Variants in FN3K observed in about 807,000 individuals in gnomAD.
The protein encoded by FN3K is fructosamine 3 kinase.
A neutral mutation model predicts 24.8 loss-of-function variants in FN3K; 24 were observed. The observed-to-expected ratio is 0.97, with a 90% confidence interval of 0.70 to 1.36. The LOEUF is 1.36. Ranked by LOEUF, FN3K falls within the 40% of genes most tolerant of loss-of-function variation. The pLI is 0.00. For missense variants in FN3K, 449 were observed against 416.7 expected (o/e 1.08, Z -0.67); for synonymous variants, 192 against 175.2 (o/e 1.10, Z -0.76).
At chr17:82,741,617 C>T (rs2046941722) in intron 4 of FN3K, 2 of 508,848 alleles carry the variant, frequency 3.9e-6, no homozygotes, top group Non-Finnish European at 7.2e-6. Flanking sequence ...ATCAGCATTC[C>T]AAGCAGAGCG....
intron 4 of FN3K, among the ~76,000 whole-genome samples, chr17:82,741,964 A>G (rs2046943323): frequency 6.6e-6 from 1 of 151,896 alleles, no homozygotes; most frequent in South Asian, 2.1e-4. Flanking sequence ...CTGGAGTGCA[A>G]TGGCACGATC....
In FN3K at chr17:82,735,805, C is replaced by T. The variant is rs758284938; in HGVS notation, c.141+28C>T. 8.4e-6 allele frequency: 13 copies of T among 1,543,360 alleles called. No individual in the cohort carries two copies. In the South Asian group the frequency reaches 1.3e-4, roughly 16 times the overall value. On this transcript the variant is annotated intron_variant, in intron 1 of 5. Transcript: ENST00000300784. ...GCTGGCCCGTGCGCAGGCGGGGGCT[C>T]TGCGGGTCTCTGCGGGGCCTGGGAA...
chr17:82,737,407 T>C (rs2046908612), intron 1 of FN3K, among the ~76,000 whole-genome samples: 1 of 151,922 alleles, frequency 6.6e-6, no homozygotes, highest in African/African-American at 2.4e-5. Context: ...CACTGCAAGC[T>C]GCGCCTCCCG....
intron 1 of FN3K, chr17:82,736,567 G>A (rs1395574077): frequency 1.3e-5 from 2 of 152,760 alleles, no homozygotes; most frequent in Non-Finnish European, 2.9e-5. Flanking sequence ...AATGTTAACG[G>A]AGGAAGTGGA....
In FN3K at chr17:82,744,534, A is replaced by G. The variant is rs545954291; in HGVS notation, c.468+3141A>G. On this transcript the variant is annotated intron_variant, in intron 4 of 5. Coordinates refer to ENST00000300784, the MANE Select transcript of FN3K (RefSeq NM_022158.4). ...ATGTCTTCTGTCTGCTTCTCTCATG[A>G]AGGGGTGGGTTGCCCCTCCACACCT... 5.3e-5 allele frequency among the ~76,000 whole-genome samples: 8 copies of G among 152,256 alleles called. No individual in the cohort carries two copies. The East Asian group carries it at 1.5e-3, about 29-fold the overall frequency.
rs745338444 is a variant in FN3K, at chr17:82,738,578, C to A, written c.231C>A (p.Ile77=). Residue 77 remains isoleucine (I), a synonymous_variant, in exon 2 of 6, where the codon ATC becomes ATA. Transcript: ENST00000300784. ...GGGTGCCGAGGCCCATGAAGGTCAT[C>A]GACCTGCCGGGAGGTGGGGCCGCCT... The part of the protein sequence containing the change: ...LVRVPRPMKV[I]DLPGGGAAFV... 11 of 1,613,942 alleles carry A rather than the reference C, an allele frequency of 6.8e-6. 1 individual carries two copies. In the South Asian group the frequency reaches 1.2e-4, roughly 18 times the overall value.
At chr17:82,750,134 A>G (rs147176074) in intron 5 of FN3K, among the ~76,000 whole-genome samples, 1 of 152,318 alleles carries the variant, frequency 6.6e-6, no homozygotes, top group East Asian at 1.9e-4. Flanking sequence ...AGAGTTTGCT[A>G]AGGTAGCGCA....
At chr17:82,738,925 CATAT>C (rs201805110) in intron 2 of FN3K, among the ~76,000 whole-genome samples, 26,916 of 103,976 alleles carry the variant, frequency 0.26, 3,389 homozygotes, top group East Asian at 0.36. Flanking sequence ...TATATATACA[CATAT>C]ATATATATAT....
At chr17:82,738,455 C>A in intron 1 of FN3K, 34 bp from the exon 2 acceptor site, 1 of 1,611,470 alleles carries the variant, frequency 6.2e-7, no homozygotes, top group South Asian at 1.1e-5. Context: ...CTGGCTGAGT[C>A]AACAAGGCTG....
intron 4 of FN3K, among the ~76,000 whole-genome samples, chr17:82,742,097 G>A (rs1242974650): frequency 2.6e-5 from 4 of 152,042 alleles, no homozygotes; most frequent in South Asian, 2.1e-4. Context: ...TAGTAGAGAC[G>A]GGGTTTCATG....
intron 4 of FN3K, among the ~76,000 whole-genome samples, chr17:82,748,501 G>A (rs2046981074): frequency 1.3e-5 from 1 of 79,242 alleles, no homozygotes; most frequent in African/African-American, 6.8e-5. Flanking sequence ...ATCCTTTCAA[G>A]CTTTTTTTTT....
chr17:82,741,826 G>C (rs1206506530), intron 4 of FN3K, among the ~76,000 whole-genome samples: 5 of 152,222 alleles, frequency 3.3e-5, no homozygotes, highest in Non-Finnish European at 7.3e-5. Flanking sequence ...TAAAGGATTA[G>C]AATTAATTGG....
rs141138768 is a variant in FN3K at position 82,750,593 on chromosome 17, C to T, written c.768C>T (p.Pro256=). The change falls in exon 6 of 6, where the codon CCC becomes CCT. Residue 256 remains proline (P), a synonymous_variant. Transcript: ENST00000300784. ...TCGCCTTGATGTTTGGGGGGTTCCCCAGATCCTTCTTCACCGCCTACCACC... is the reference window on the plus strand; with the variant it reads ...TCGCCTTGATGTTTGGGGGGTTCCCTAGATCCTTCTTCACCGCCTACCACC... ...LAIALMFGGF[P]RSFFTAYHRK... 16 of 1,614,068 alleles carry T rather than the reference C, an allele frequency of 9.9e-6. No homozygotes were observed. In the African/African-American group the frequency reaches 1.3e-4, roughly 13 times the overall value.
chr17:82,749,316 T>C (rs1475684524), intron 5 of FN3K: 3 of 382,756 alleles, frequency 7.8e-6, no homozygotes, highest in Non-Finnish European at 1.5e-5. Flanking sequence ...CTCCATCGTG[T>C]TCCTCTCCCA....
chr17:82,747,044 C>T (rs1326827507), intron 4 of FN3K, among the ~76,000 whole-genome samples: 9 of 151,960 alleles, frequency 5.9e-5, no homozygotes, highest in South Asian at 4.2e-4. Context: ...AGGATGGTCT[C>T]GAACTCCTGA....
chr17:82,743,199 C>CG (rs1968352473), intron 4 of FN3K, among the ~76,000 whole-genome samples: 1 of 152,174 alleles, frequency 6.6e-6, no homozygotes, highest in African/African-American at 2.4e-5. Context: ...CTGCAAGTGG[C>CG]GGGCTCTACA....
rs2046895758 is a variant in FN3K at position 82,735,683 on chromosome 17, C to T, written c.47C>T (p.Ala16Val). 14 of 1,541,236 alleles carry T rather than the reference C, an allele frequency of 9.1e-6. No homozygotes were observed. Among genetic ancestry groups the T allele is most frequent in the Non-Finnish European group, 9.6e-6 (11 of 1,146,816 alleles). ...GAGCTGCGCACCGCGACCCTGCGGG[C>T]CTTCGGCGGCCCCGGCGCCGGCTGC... is the stretch of plus-strand genomic sequence containing the variant. ...RAELRTATLR[A>V]FGGPGAGCIS... Residue 16 changes from alanine to valine, a missense_variant, in exon 1 of 6, where the codon GCC (alanine) becomes GTC (valine). By Grantham distance (64) the Ala-to-Val change is moderately conservative. Transcript: ENST00000300784.
intron 1 of FN3K, 77 bp downstream of exon 1, chr17:82,735,854 C>T: frequency 1.3e-6 from 2 of 1,499,270 alleles, no homozygotes; most frequent in South Asian, 1.2e-5. Context: ...GGGGCAGGCG[C>T]ATTTCCTGGG....
chr17:82,750,427 CG>C lies in FN3K; in HGVS notation c.604del (p.Asp202IlefsTer6), dbSNP rs1568072075. On this transcript the variant is annotated frameshift_variant, in exon 6 of 6. Coordinates refer to ENST00000300784, the MANE Select transcript of FN3K (RefSeq NM_022158.4). LOFTEE classifies it low-confidence loss of function (END_TRUNC). ...CCGTTGCTCTCGTAGGTGAAGATCCCGGATCTGTTTTGTGGCCTAGAGATTG... is the reference window on the plus strand; with the variant it reads ...CCGTTGCTCTCGTAGGTGAAGATCCCGATCTGTTTTGTGGCCTAGAGATTG... ...ELWSRLQVKI[P>X]DLFCGLEIVP... 3.7e-6 allele frequency: 6 copies of C among 1,614,090 alleles called. No individual in the cohort carries two copies. In the South Asian group the frequency reaches 5.5e-5, roughly 15 times the overall value.
Sources: gnomAD v4.1 joint callset for allele counts (sites outside exome capture counted in the v4.1 genomes callset) on GRCh38, gnomAD v4.1.1 for gene constraint, MANE v1.5 for transcripts, NCBI Gene and HGNC (gene_info 2026-07-23, HGNC 2026-07-21) for gene names.